STAG2: variants seen among roughly 807,000 people sequenced by gnomAD.
STAG2 encodes STAG2 cohesin complex component, also known as cohesin subunit SA-2.
STAG2 carries 14 observed loss-of-function variants against 108.1 expected under a neutral mutation model. The observed-to-expected ratio is 0.13, with a 90% CI of 0.09 to 0.20. The LOEUF is 0.20. STAG2 is among the 10% of genes least tolerant of loss of function. The probability of loss-of-function intolerance (pLI) is 1.00; values close to 1 mark genes in which losing one functional copy is unlikely to be tolerated. For missense variants in STAG2, 440 were observed against 940.9 expected, an observed-to-expected ratio of 0.47 and a Z score of 6.96; for synonymous variants, 307 against 302.7, an observed-to-expected ratio of 1.01 and a Z score of -0.15.
intron 1 of STAG2, among the ~76,000 whole-genome samples, chrX:123,967,971 G>T (rs1477326524): frequency 9.2e-6 from 1 of 108,913 alleles, no homozygotes; most frequent in East Asian, 2.9e-4. Flanking sequence ...CGAGATCTTG[G>T]CTCACTGCAA....
At chrX:123,967,443 T>C (rs769192150) in intron 1 of STAG2, among the ~76,000 whole-genome samples, 9 of 108,976 alleles carry the variant, frequency 8.3e-5, no homozygotes, top group Non-Finnish European at 1.7e-4. Flanking sequence ...TTTTGTACTT[T>C]TAGTAGAGAC....
chrX:124,073,619 C>T (rs1050928932), intron 25 of STAG2, among the ~76,000 whole-genome samples: 4 of 111,701 alleles, frequency 3.6e-5, no homozygotes, highest in Admixed American at 1.9e-4. Context: ...GACGAGGTCT[C>T]GCTGTGTAGC....
At chrX:124,016,601 T>C (rs1021185256) in intron 1 of STAG2, among the ~76,000 whole-genome samples, 2 of 111,635 alleles carry the variant, frequency 1.8e-5, no homozygotes, top group African/African-American at 3.3e-5. Context: ...TTCACTAGAA[T>C]AGGGAGTTGG....
At chrX:123,982,795 A>C (rs12859713) in intron 1 of STAG2, among the ~76,000 whole-genome samples, 3,788 of 102,808 alleles carry the variant, frequency 0.037, 83 homozygotes, top group Non-Finnish European at 0.045. Flanking sequence ...ATCATGAACC[A>C]AAACCAACTA....
Position 124,090,844 on chromosome X carries a change from C to T in STAG2, c.3468-10C>T. The T allele has an allele frequency of 8.3e-7, 1 of 1,205,956 alleles. No individual in the cohort carries two copies. The highest frequency in any genetic ancestry group is 1.1e-6 in the Non-Finnish European group (1 of 891,448). The stretch of plus-strand genomic sequence containing the variant: ...GTTAAGTTAAAAGAGGAATAAAATT[C>T]TCCTTGAAGCACGCAGGTAACATGG... On this transcript the variant is annotated splice_polypyrimidine_tract_variant and intron_variant, in intron 31 of 34. Transcript: ENST00000371145.
chrX:124,073,148 C>T lies in STAG2; in HGVS notation c.2533+1825C>T, dbSNP rs193130611. Among the ~76,000 whole-genome samples the T allele has an allele frequency of 5.5e-3, 606 of 110,260 alleles. 2 individuals are homozygous for T. The highest frequency in any genetic ancestry group is 8.8e-3 in the Non-Finnish European group (467 of 52,785). On this transcript the variant is annotated intron_variant, in intron 25 of 34. Transcript: ENST00000371145. Reference sequence around the variant, plus strand: ...AGGTATTGAAACATCTTTTGAGAAGCTAACAACTGAAGTTAATCCAAAAAA... The same window carrying T: ...AGGTATTGAAACATCTTTTGAGAAGTTAACAACTGAAGTTAATCCAAAAAA...
chrX:124,069,197 C>A (rs1250766264), intron 24 of STAG2, among the ~76,000 whole-genome samples: 1 of 112,189 alleles, frequency 8.9e-6, no homozygotes, highest in Non-Finnish European at 1.9e-5. Flanking sequence ...TAGACTGTTA[C>A]CTGGTTTGAT....
intron 4 of STAG2, chrX:124,026,474 G>A (rs1220047115): frequency 6.1e-6 from 1 of 162,972 alleles, no homozygotes; most frequent in African/African-American, 3.1e-5. Flanking sequence ...CTTGGCGAAT[G>A]GCTAAATTAT....
chrX:124,079,609 C>T (rs1289788428), intron 27 of STAG2, among the ~76,000 whole-genome samples: 2 of 111,348 alleles, frequency 1.8e-5, no homozygotes, highest in Admixed American at 9.5e-5. Flanking sequence ...AGCAAGAGCC[C>T]ATCTCTACAG....
chrX:124,089,478 T>G (rs1326442936), intron 30 of STAG2, among the ~76,000 whole-genome samples: 1 of 111,669 alleles, frequency 9.0e-6, no homozygotes, highest in Non-Finnish European at 1.9e-5. Context: ...TCTTACTACC[T>G]GCTCAGTGGT....
At chrX:124,031,207 T>G in intron 5 of STAG2, 82 bp downstream of exon 5, 1 of 982,808 alleles carries the variant, frequency 1.0e-6, no homozygotes, top group Non-Finnish European at 1.3e-6. Flanking sequence ...CTGATTTTTC[T>G]AATTGCATTT....
At chrX:124,080,675 G>A (rs1316251201) in intron 27 of STAG2, among the ~76,000 whole-genome samples, 1 of 109,510 alleles carries the variant, frequency 9.1e-6, no homozygotes, top group Non-Finnish European at 1.9e-5. Flanking sequence ...GTGATAGAAC[G>A]AGACTCTGTC....
intron 27 of STAG2, among the ~76,000 whole-genome samples, chrX:124,079,276 C>T (rs1042710954): frequency 7.4e-5 from 8 of 108,743 alleles, no homozygotes; most frequent in African/African-American, 2.7e-4. Context: ...GTAGCTGGGA[C>T]TACAGGCACC....
At chrX:124,014,772 C>T (rs181413231) in intron 1 of STAG2, among the ~76,000 whole-genome samples, 1 of 110,620 alleles carries the variant, frequency 9.0e-6, no homozygotes, top group Admixed American at 9.7e-5. Context: ...CCAGGCATGC[C>T]TTCTCTGGTT....
chrX:124,066,143 A>ATT (rs748906058), intron 21 of STAG2, 32 bp from the exon 22 acceptor site: 18,312 of 574,562 alleles, frequency 0.032, 467 homozygotes, highest in Non-Finnish European at 0.035. Context: ...ATAAAACTTA[A>ATT]TTTTTTTTTT....
At chrX:123,984,490 C>T (rs74648091) in intron 1 of STAG2, among the ~76,000 whole-genome samples, 3,767 of 110,708 alleles carry the variant, frequency 0.034, 63 homozygotes, top group Non-Finnish European at 0.048. Context: ...TCTTCCCCCT[C>T]AATAGACTTT....
At position 124,049,175 on chromosome X, in the gene STAG2, G is replaced by A. The variant is rs751174551; in HGVS notation, c.893+97G>A. ...TGTAGGGAATCTAAATTAGCAGGAA[G>A]AATGTTATAGTAAAATCAATGTTAG... On this transcript the variant is annotated intron_variant, in intron 10 of 34. Transcript: ENST00000371145. 24 of 646,518 alleles carry A rather than the reference G, an allele frequency of 3.7e-5. No individual in the cohort carries two copies. The African/African-American group carries it at 5.0e-4, about 13-fold the overall frequency. 53.3% of individuals were successfully genotyped at this position (646,518 alleles called of 1,213,427 possible).
chrX:124,100,909 A>G lies in STAG2; in HGVS notation c.*312A>G, dbSNP rs866015834. 19 of 206,722 alleles carry G rather than the reference A, an allele frequency of 9.2e-5. No individual in the cohort carries two copies. The South Asian group carries it at 1.5e-3, about 17-fold the overall frequency. The allele number at this position is 206,722 out of a possible 1,213,427, so 17.0% of individuals were successfully genotyped here. A position where few individuals can be genotyped will look rare whatever the true frequency, so the allele number is the denominator to read the frequency against. On this transcript the variant is annotated 3_prime_UTR_variant, in exon 35 of 35. Transcript: ENST00000371145. ...AAAAAAAAAAAAAAACAAAATAACAATCTGAAGAGGCATTTGGTACAGATA... is the reference window on the plus strand; with the variant it reads ...AAAAAAAAAAAAAAACAAAATAACAGTCTGAAGAGGCATTTGGTACAGATA...
chrX:123,963,824 TGTAAGGC>T (rs917862370), intron 1 of STAG2, among the ~76,000 whole-genome samples: 1 of 111,902 alleles, frequency 8.9e-6, no homozygotes, highest in African/African-American at 3.2e-5. Flanking sequence ...CAAAGAATTG[TGTAAGGC>T]GTAAGGCGGC....
Sources: allele counts gnomAD v4.1 joint callset (sites outside exome capture counted in the v4.1 genomes callset), GRCh38; gene constraint gnomAD v4.1.1; transcripts MANE v1.5; gene names NCBI Gene and HGNC (gene_info 2026-07-23, HGNC 2026-07-21).